ACSBG2: variants seen among roughly 807,000 people sequenced by gnomAD.
The protein encoded by ACSBG2 is acyl-CoA synthetase bubblegum family member 2.
In ACSBG2, 62 loss-of-function variants were observed where a neutral mutation model predicts 74.7. The ratio of observed to expected loss-of-function variants is 0.83; its 90% CI spans 0.68 to 1.03. The LOEUF (loss-of-function observed/expected upper bound fraction) is 1.03. ACSBG2 is among the 50% of genes least tolerant of loss of function. ACSBG2 has a pLI of 0.00. For synonymous variants in ACSBG2, 309 were observed against 294.1 expected (o/e 1.05, Z -0.52); for missense variants, 730 against 817.6 (o/e 0.89, Z 1.31).
At chr19:6,143,189 C>A (rs2088908408) in intron 2 of ACSBG2, among the ~76,000 whole-genome samples, 2 of 151,976 alleles carry the variant, frequency 1.3e-5, no homozygotes, top group Admixed American at 1.3e-4. Context: ...GCATTACAGT[C>A]ATGCACCACC....
At chr19:6,136,107 AT>A (rs1192884818) in intron 1 of ACSBG2, among the ~76,000 whole-genome samples, 198 bp downstream of exon 1, 19,611 of 138,466 alleles carry the variant, frequency 0.14, 1,986 homozygotes, top group African/African-American at 0.31. Context: ...TGTCCAGCTA[AT>A]TTTTTTTTTT....
intron 2 of ACSBG2, among the ~76,000 whole-genome samples, chr19:6,144,088 C>T (rs1260354717): frequency 6.6e-6 from 1 of 152,144 alleles, no homozygotes; most frequent in African/African-American, 2.4e-5. Flanking sequence ...ATCTCCACCT[C>T]CCGGGTTCAA....
chr19:6,147,726 G>A (rs779973277), intron 3 of ACSBG2, 51 bp downstream of exon 3: 1 of 1,563,318 alleles, frequency 6.4e-7, no homozygotes, highest in South Asian at 1.1e-5. Context: ...TTCTGAATAG[G>A]TAACAGACAT....
Position 6,185,646 on chromosome 19 carries a change from C to A in ACSBG2, c.1533C>A (p.His511Gln), listed in dbSNP as rs1411538974. 1 of 1,614,118 alleles carries A rather than the reference C, an allele frequency of 6.2e-7. No individual in the cohort carries two copies. The highest frequency in any genetic ancestry group is 1.1e-5 in the South Asian group (1 of 91,080). The change falls in exon 11 of 15, where the codon CAC (histidine) becomes CAA (glutamine). Residue 511 changes from histidine to glutamine, a missense_variant. Coordinates refer to ENST00000588485, the MANE Select transcript of ACSBG2 (RefSeq NM_030924.5). ...DGLGFLYVTG[H>Q]IKEILITAGG... ...TGGGTTTCCTCTATGTCACCGGCCA[C>A]ATCAAAGGTACCAGGGGCTGAGCTC...
chr19:6,181,527 A>G (rs1292615638), intron 8 of ACSBG2, among the ~76,000 whole-genome samples: 7 of 152,172 alleles, frequency 4.6e-5, no homozygotes, highest in African/African-American at 1.4e-4. Flanking sequence ...TGTTTCCTCA[A>G]TAATCTTTTG....
chr19:6,138,676 G>A (rs564885821), intron 1 of ACSBG2, among the ~76,000 whole-genome samples: 1 of 99,068 alleles, frequency 1.0e-5, no homozygotes, highest in African/African-American at 4.4e-5. Context: ...AGGCAGGGAC[G>A]GAGGGAGGAA....
At chr19:6,143,127 C>T (rs1229123935) in intron 2 of ACSBG2, among the ~76,000 whole-genome samples, 1 of 152,090 alleles carries the variant, frequency 6.6e-6, no homozygotes, top group East Asian at 1.9e-4. Context: ...TTATTGCAAC[C>T]TCTGCCTCCC....
At chr19:6,155,923 A>C (rs995736917) in intron 4 of ACSBG2, among the ~76,000 whole-genome samples, 2 of 10,842 alleles carry the variant, frequency 1.8e-4, no homozygotes, top group African/African-American at 1.6e-3. Context: ...ATAAAAAGGC[A>C]AAAAAAAAAA....
At chr19:6,186,615 G>A (rs370646004) in intron 11 of ACSBG2, among the ~76,000 whole-genome samples, 5 of 152,338 alleles carry the variant, frequency 3.3e-5, no homozygotes, top group South Asian at 2.1e-4. Context: ...TTGGCCAAAA[G>A]GTCAGCTGGC....
At chr19:6,146,465 G>A (rs560390118) in intron 2 of ACSBG2, among the ~76,000 whole-genome samples, 6 of 89,148 alleles carry the variant, frequency 6.7e-5, no homozygotes, top group South Asian at 3.6e-4. Context: ...GTGAGACTCC[G>A]TCTCAAAAAA....
At chr19:6,191,270 C>T (rs1248249782) in intron 14 of ACSBG2, 1 of 151,088 alleles carries the variant, frequency 6.6e-6, no homozygotes, top group Non-Finnish European at 1.5e-5. Flanking sequence ...ACTAGATGCA[C>T]AGTGCAGGCA....
In ACSBG2 at chr19:6,179,942, GA is replaced by G. The variant is rs946841721; in HGVS notation, c.906+2548del. 1.0e-3 allele frequency among the ~76,000 whole-genome samples: 153 copies of G among 152,238 alleles called. 1 individual carries two copies. Among genetic ancestry groups the G allele is most frequent in the African/African-American group, 3.5e-3 (147 of 41,562 alleles). ...TATTATCTTATAGTTCTGGTGGTCA[GA>G]AGTTTGAAAATGGTCTCACTGGGCT... On this transcript the variant is annotated intron_variant, in intron 8 of 14. Coordinates refer to ENST00000588485, the MANE Select transcript of ACSBG2 (RefSeq NM_030924.5).
Position 6,161,218 on chromosome 19 carries a change from C to T in ACSBG2, c.511C>T (p.Pro171Ser), listed in dbSNP as rs748216818. Residue 171 changes from proline (P) to serine (S), a missense_variant, in exon 6 of 15, where the codon CCA becomes TCA. By Grantham distance (74) the Pro-to-Ser change is moderately conservative. Transcript: ENST00000588485. Reference protein sequence around the residue: ...DQQLQKILSIPQSSLEPLKAI... With the variant: ...DQQLQKILSISQSSLEPLKAI... ...CCCACAGGGAACTTTCTTTCAGATT[C>T]CACAGAGCAGCCTAGAGCCCCTAAA... 4.3e-6 allele frequency: 7 copies of T among 1,613,260 alleles called. No individual in the cohort carries two copies. Among genetic ancestry groups the T allele is most frequent in the Non-Finnish European group, 5.9e-6 (7 of 1,179,444 alleles).
chr19:6,169,202 G>A (rs930664950), intron 7 of ACSBG2, among the ~76,000 whole-genome samples: 2 of 152,174 alleles, frequency 1.3e-5, no homozygotes, highest in African/African-American at 4.8e-5. Flanking sequence ...TCCATGTTTG[G>A]TTTTGTTGTA....
chr19:6,157,332 G>A (rs2089459560), intron 5 of ACSBG2, among the ~76,000 whole-genome samples: 1 of 152,210 alleles, frequency 6.6e-6, no homozygotes, highest in South Asian at 2.1e-4. Flanking sequence ...AAGGCAGGCA[G>A]AACACCTGAG....
intron 4 of ACSBG2, among the ~76,000 whole-genome samples, chr19:6,153,663 CTG>C (rs1448776225): frequency 1.3e-5 from 2 of 152,030 alleles, no homozygotes; most frequent in Non-Finnish European, 2.9e-5. Context: ...TCGCAAGATT[CTG>C]TCTCTAAAAA....
rs777162247 is a variant in ACSBG2, at chr19:6,188,379, G to C, written c.1927+534G>C. 5.9e-5 allele frequency among the ~76,000 whole-genome samples: 9 copies of C among 152,306 alleles called. No individual in the cohort carries two copies. In the South Asian group the frequency reaches 1.9e-3, roughly 32 times the overall value. ...ATTATGGCCAGGCACAGTGGCTCAC[G>C]CCTGTAATCCCAACACTTTGGGAGG... On this transcript the variant is annotated intron_variant, in intron 13 of 14. Coordinates refer to ENST00000588485, the MANE Select transcript of ACSBG2 (RefSeq NM_030924.5).
chr19:6,140,988 C>T (rs532837120), intron 1 of ACSBG2, among the ~76,000 whole-genome samples: 1 of 152,220 alleles, frequency 6.6e-6, no homozygotes, highest in East Asian at 1.9e-4. Flanking sequence ...CCTCAGGGTT[C>T]TTTACATATG....
In ACSBG2 at chr19:6,187,295, C is replaced by G. The variant is rs758167112; in HGVS notation, c.1553C>G (p.Thr518Ser). 6.2e-7 allele frequency: 1 copy of G among 1,614,210 alleles called. No homozygotes were observed. The highest frequency in any genetic ancestry group is 1.7e-5 in the Admixed American group (1 of 60,020). Reference sequence around the variant, plus strand: ...AGCTCTGTTCCAGAAATCCTTATCACTGCTGGTGGTGAAAATGTGCCCCCC... The same window carrying G: ...AGCTCTGTTCCAGAAATCCTTATCAGTGCTGGTGGTGAAAATGTGCCCCCC... The part of the protein sequence containing the change: ...VTGHIKEILI[T>S]AGGENVPPIP... The change falls in exon 12 of 15, where the codon ACT becomes AGT. Residue 518 changes from threonine (T) to serine (S), a missense_variant. Coordinates refer to ENST00000588485, the MANE Select transcript of ACSBG2 (RefSeq NM_030924.5).
Sources: gnomAD v4.1 joint callset for allele counts (sites outside exome capture counted in the v4.1 genomes callset) on GRCh38, gnomAD v4.1.1 for gene constraint, MANE v1.5 for transcripts, NCBI Gene and HGNC (gene_info 2026-07-23, HGNC 2026-07-21) for gene names.